Variants in TIMM23B observed in about 807,000 individuals in gnomAD.
The protein encoded by TIMM23B is mitochondrial import inner membrane translocase subunit Tim23B.
TIMM23B carries 27 observed loss-of-function variants against 27.3 expected under a neutral mutation model. The observed-to-expected ratio is 0.99, with a 90% CI of 0.73 to 1.36. The LOEUF (loss-of-function observed/expected upper bound fraction) is 1.36. TIMM23B is among the 40% of genes most tolerant of loss of function. The pLI is 0.00. For synonymous variants in TIMM23B, 73 were observed against 92.4 expected (o/e 0.79, Z 1.21); for missense variants, 205 against 244.2 (o/e 0.84, Z 1.07).
At chr10:49,968,474 C>G (rs1376528835) in intron 6 of TIMM23B, among the ~76,000 whole-genome samples, 1 of 151,980 alleles carries the variant, frequency 6.6e-6, no homozygotes, top group African/African-American at 2.4e-5. Context: ...ATAAACCAAC[C>G]CAACAAAAAA....
rs1234244128 is a variant in TIMM23B at position 49,973,904 on chromosome 10, C to T, written c.*840C>T. On this transcript the variant is annotated 3_prime_UTR_variant, in exon 7 of 7. Transcript: ENST00000651259. ...GCAACCTCTGCCTCCCGGCTTCAAG[C>T]AGTTCTCCTGCCTCAGCCTCCCAAG... The T allele has an allele frequency of 7.4e-6, 1 of 135,994 alleles. No homozygotes were observed. The highest frequency in any genetic ancestry group is 7.3e-5 in the Admixed American group (1 of 13,696). 8.4% of individuals were successfully genotyped at this position (135,994 alleles called of 1,614,324 possible).
At chr10:49,954,955 G>T in intron 4 of TIMM23B, 47 bp from the exon 5 acceptor site, 3 of 1,609,852 alleles carry the variant, frequency 1.9e-6, no homozygotes, top group Non-Finnish European at 1.7e-6. Flanking sequence ...GATTACTAGA[G>T]AAATAATGAT....
chr10:49,966,321 T>C (rs1332248195), intron 6 of TIMM23B, among the ~76,000 whole-genome samples: 1 of 150,938 alleles, frequency 6.6e-6, no homozygotes, highest in African/African-American at 2.4e-5. Flanking sequence ...GGTGTGGTGG[T>C]GCACTCCAGC....
At chr10:49,970,929 C>A (rs1840415086) in intron 6 of TIMM23B, among the ~76,000 whole-genome samples, 1 of 152,194 alleles carries the variant, frequency 6.6e-6, no homozygotes. Flanking sequence ...CGGATTGTTG[C>A]TGTGTCTGTG....
At chr10:49,955,497 C>T (rs1355332924) in intron 5 of TIMM23B, among the ~76,000 whole-genome samples, 1 of 152,192 alleles carries the variant, frequency 6.6e-6, no homozygotes, top group African/African-American at 2.4e-5. Context: ...AGATTTCAGG[C>T]ACCTAATTGC....
rs1285229586 is a variant in TIMM23B at position 49,956,488 on chromosome 10, G to A, written c.403+1428G>A. 5.8e-5 allele frequency among the ~76,000 whole-genome samples: 8 copies of A among 138,494 alleles called. 2 individuals carry two copies. Among genetic ancestry groups the A allele is most frequent in the African/African-American group, 1.3e-4 (5 of 39,024 alleles). 90.9% of individuals were successfully genotyped at this position (138,494 alleles called of 152,430 possible). On this transcript the variant is annotated intron_variant, in intron 5 of 6. Coordinates refer to ENST00000651259, the MANE Select transcript of TIMM23B (RefSeq NM_001290117.2). Reference sequence around the variant, plus strand: ...GTGTGTGTATGTGTGTCTTCAATCCGAAGTACAGCAATTATGGGTAGCATA... The same window carrying A: ...GTGTGTGTATGTGTGTCTTCAATCCAAAGTACAGCAATTATGGGTAGCATA...
chr10:49,970,914 G>T (rs182650224), intron 6 of TIMM23B, among the ~76,000 whole-genome samples: 3,475 of 152,306 alleles, frequency 0.023, 56 homozygotes, highest in South Asian at 0.072. Flanking sequence ...AAAAGATAGA[G>T]AAATCGGATT....
chr10:49,949,245 T>G (rs1275911452), intron 2 of TIMM23B, among the ~76,000 whole-genome samples: 1 of 151,382 alleles, frequency 6.6e-6, no homozygotes, highest in Non-Finnish European at 1.5e-5. Flanking sequence ...AACCTTTTAT[T>G]TCAGAGTTGA....
intron 2 of TIMM23B, among the ~76,000 whole-genome samples, chr10:49,950,831 C>T (rs1315382384): frequency 8.5e-5 from 13 of 152,198 alleles, no homozygotes; most frequent in African/African-American, 2.2e-4. Flanking sequence ...CGGGAGGCAC[C>T]GTGCCTGGCC....
intron 1 of TIMM23B, 24 bp downstream of exon 1, chr10:49,942,324 A>G (rs1839142280): frequency 6.3e-7 from 1 of 1,595,404 alleles, no homozygotes; most frequent in Non-Finnish European, 8.5e-7. Context: ...CTAGCTTGCG[A>G]TTATTTCTGA....
rs1352634990 is a variant in TIMM23B at position 49,961,971 on chromosome 10, T to A, written c.514+3491T>A. 9.4e-5 allele frequency among the ~76,000 whole-genome samples: 14 copies of A among 148,908 alleles called. 1 individual carries two copies. In the Admixed American group the frequency reaches 9.5e-4, roughly 10 times the overall value. On this transcript the variant is annotated intron_variant, in intron 6 of 6. Coordinates refer to ENST00000651259, the MANE Select transcript of TIMM23B (RefSeq NM_001290117.2). ...TTTTTGCCACTGATTCTCAGTTGTTTGGGTGATTGCTTTTCTGTGGGTGGG... is the reference window on the plus strand; with the variant it reads ...TTTTTGCCACTGATTCTCAGTTGTTAGGGTGATTGCTTTTCTGTGGGTGGG...
Position 49,958,375 on chromosome 10 carries a change from C to T in TIMM23B, c.409C>T (p.Leu137Phe). Residue 137 changes from leucine (L) to phenylalanine (F), a missense_variant, in exon 6 of 7, where the codon CTC becomes TTC. Leu to Phe is a conservative substitution (Grantham distance 22). Transcript: ENST00000651259. ...WANTLGSLAL[L>F]YSAFGVIIEK... ...CACTTCCATTTCCTCTTTAGCGTTGCTCTATAGTGCATTTGGTGTCATCAT... is the reference window on the plus strand; with the variant it reads ...CACTTCCATTTCCTCTTTAGCGTTGTTCTATAGTGCATTTGGTGTCATCAT... 1.9e-6 allele frequency: 3 copies of T among 1,613,796 alleles called. No individual in the cohort carries two copies. Among genetic ancestry groups the T allele is most frequent in the Non-Finnish European group, 2.5e-6 (3 of 1,179,784 alleles).
intron 5 of TIMM23B, among the ~76,000 whole-genome samples, chr10:49,956,815 TCC>T (rs1166847980): frequency 6.8e-6 from 1 of 147,892 alleles, no homozygotes. Flanking sequence ...TAGTGATCAT[TCC>T]ATGTATATCT....
chr10:49,944,702 A>G (rs1839301202), intron 1 of TIMM23B, among the ~76,000 whole-genome samples: 1 of 152,250 alleles, frequency 6.6e-6, no homozygotes. Context: ...ATAGTCACCA[A>G]GCATTCTTGT....
intron 5 of TIMM23B, among the ~76,000 whole-genome samples, chr10:49,956,427 G>A (rs1376592207): frequency 4.0e-5 from 1 of 24,926 alleles, no homozygotes; most frequent in Non-Finnish European, 5.8e-5. Flanking sequence ...CTAGAAATAC[G>A]TGTGTGTGTG....
At chr10:49,958,994 T>G (rs1349833532) in intron 6 of TIMM23B, among the ~76,000 whole-genome samples, 1 of 152,242 alleles carries the variant, frequency 6.6e-6, no homozygotes, top group Non-Finnish European at 1.5e-5. Context: ...ACATTTTGCA[T>G]GTGCATTCTT....
At chr10:49,952,283 A>G in intron 3 of TIMM23B, 64 bp downstream of exon 3, 1 of 1,518,180 alleles carries the variant, frequency 6.6e-7, no homozygotes, top group Non-Finnish European at 9.1e-7. Context: ...GCGTAAAATC[A>G]AAAGCAATTA....
intron 2 of TIMM23B, among the ~76,000 whole-genome samples, chr10:49,947,980 C>T (rs1327239322): frequency 1.3e-5 from 2 of 152,044 alleles, no homozygotes; most frequent in East Asian, 3.8e-4. Flanking sequence ...AAAATATTTG[C>T]ATATTATGTA....
chr10:49,951,309 T>G (rs2133061875), intron 2 of TIMM23B, among the ~76,000 whole-genome samples: 1 of 152,286 alleles, frequency 6.6e-6, no homozygotes, highest in East Asian at 1.9e-4. Flanking sequence ...ACACACTATG[T>G]GTCTTTTTGC....
Sources: gnomAD v4.1 joint callset for allele counts (sites outside exome capture counted in the v4.1 genomes callset) on GRCh38, gnomAD v4.1.1 for gene constraint, MANE v1.5 for transcripts, NCBI Gene and HGNC (gene_info 2026-07-23, HGNC 2026-07-21) for gene names.